CNTN5: variants seen among roughly 807,000 people sequenced by gnomAD.
The protein encoded by CNTN5 is contactin-5.
CNTN5 carries 77 observed loss-of-function variants against 129.1 expected under a neutral mutation model. The ratio of observed to expected loss-of-function variants is 0.60; its 90% CI spans 0.50 to 0.72. The LOEUF is 0.72. Ranked by LOEUF, CNTN5 falls within the 30% of genes least tolerant of loss-of-function variation. CNTN5 has a pLI of 0.00. For missense variants in CNTN5, 1,478 were observed against 1,328.8 expected (o/e 1.11, Z -1.75); for synonymous variants, 509 against 465.6 (o/e 1.09, Z -1.20).
At chr11:99,753,455 C>G (rs1007405079) in intron 3 of CNTN5, among the ~76,000 whole-genome samples, 1 of 151,500 alleles carries the variant, frequency 6.6e-6, no homozygotes, top group African/African-American at 2.4e-5. Flanking sequence ...ACCCTAAACA[C>G]TGCGAAAGGA....
At chr11:100,031,049 A>G (rs1565805102) in intron 9 of CNTN5, among the ~76,000 whole-genome samples, 1 of 152,200 alleles carries the variant, frequency 6.6e-6, no homozygotes, top group Non-Finnish European at 1.5e-5. Flanking sequence ...TCCACTGCAC[A>G]GTCTATAGGT....
At chr11:99,504,010 G>A (rs905975892) in intron 2 of CNTN5, among the ~76,000 whole-genome samples, 2 of 152,044 alleles carry the variant, frequency 1.3e-5, no homozygotes, top group Non-Finnish European at 2.9e-5. Context: ...TTATATTTGT[G>A]TGTTAATTGT....
At chr11:99,528,018 A>G (rs1209038342) in intron 2 of CNTN5, among the ~76,000 whole-genome samples, 1 of 152,210 alleles carries the variant, frequency 6.6e-6, no homozygotes, top group Non-Finnish European at 1.5e-5. Flanking sequence ...AATCTAATGC[A>G]TTCCTTGGTG....
At chr11:99,199,203 T>C (rs1859047457) in intron 1 of CNTN5, among the ~76,000 whole-genome samples, 1 of 152,008 alleles carries the variant, frequency 6.6e-6, no homozygotes. Flanking sequence ...TCTTCAAAAA[T>C]TTTTCAAGTC....
rs193105775 is a variant in CNTN5 at position 100,075,017 on chromosome 11, T to G, written c.1580+723T>G. Among the ~76,000 whole-genome samples the G allele has an allele frequency of 2.0e-5, 3 of 152,300 alleles. No homozygotes were observed. In the East Asian group the frequency reaches 5.8e-4, roughly 29 times the overall value. On this transcript the variant is annotated intron_variant, in intron 13 of 24. Coordinates refer to ENST00000524871, the MANE Select transcript of CNTN5 (RefSeq NM_014361.4). The stretch of plus-strand genomic sequence containing the variant: ...TTTGACAAAATAGTATCCTCTATTA[T>G]GTCAAAATAATATTGTACTGTATTA...
intron 6 of CNTN5, among the ~76,000 whole-genome samples, chr11:99,880,628 T>TA (rs954249432): frequency 3.9e-5 from 6 of 152,160 alleles, no homozygotes; most frequent in African/African-American, 7.2e-5. Context: ...TGAAGGTGTA[T>TA]AAAAAATCTG....
At chr11:99,528,331 AG>A (rs897397658) in intron 2 of CNTN5, among the ~76,000 whole-genome samples, 2 of 152,270 alleles carry the variant, frequency 1.3e-5, no homozygotes, top group African/African-American at 4.8e-5. Context: ...TACTAATGAC[AG>A]TCACATACAT....
At chr11:100,210,494 C>T (rs1187563997) in intron 15 of CNTN5, among the ~76,000 whole-genome samples, 1 of 151,812 alleles carries the variant, frequency 6.6e-6, no homozygotes, top group East Asian at 1.9e-4. Flanking sequence ...GAATGTGTAA[C>T]TCAAGTATTA....
intron 3 of CNTN5, among the ~76,000 whole-genome samples, chr11:99,596,843 A>T (rs1485356967): frequency 6.6e-6 from 1 of 152,166 alleles, no homozygotes; most frequent in Non-Finnish European, 1.5e-5. Flanking sequence ...ATAGACAATA[A>T]TAATCGCAAT....
At chr11:99,028,754 T>C (rs1003757174) in intron 1 of CNTN5, among the ~76,000 whole-genome samples, 2 of 151,936 alleles carry the variant, frequency 1.3e-5, no homozygotes, top group Non-Finnish European at 2.9e-5. Context: ...ATGCCATTTC[T>C]ATATGTTATA....
chr11:99,182,373 G>A (rs1432611781), intron 1 of CNTN5, among the ~76,000 whole-genome samples: 1 of 152,144 alleles, frequency 6.6e-6, no homozygotes, highest in Non-Finnish European at 1.5e-5. Flanking sequence ...TGCTCTGTAG[G>A]AATGCTTTGT....
At chr11:100,170,909 TTA>T (rs1184030772) in intron 13 of CNTN5, among the ~76,000 whole-genome samples, 1 of 152,022 alleles carries the variant, frequency 6.6e-6, no homozygotes. Context: ...AAAAAACTTT[TTA>T]TTTATGGGTA....
chr11:100,097,222 G>A (rs1945039767), intron 13 of CNTN5, among the ~76,000 whole-genome samples: 1 of 152,022 alleles, frequency 6.6e-6, no homozygotes, highest in Admixed American at 6.6e-5. Context: ...TATTCAAGAT[G>A]GAAGGAATAT....
At chr11:99,481,295 T>G (rs1451298495) in intron 2 of CNTN5, among the ~76,000 whole-genome samples, 1 of 152,188 alleles carries the variant, frequency 6.6e-6, no homozygotes, top group Non-Finnish European at 1.5e-5. Context: ...AATTAAAGCC[T>G]GACACCATTA....
At chr11:100,038,027 T>C (rs1425863470) in intron 9 of CNTN5, among the ~76,000 whole-genome samples, 2 of 152,040 alleles carry the variant, frequency 1.3e-5, no homozygotes, top group South Asian at 4.1e-4. Flanking sequence ...ATGTGTTTGC[T>C]CTTGCTTTTC....
intron 13 of CNTN5, among the ~76,000 whole-genome samples, chr11:100,131,030 G>A (rs1185526583): frequency 6.6e-6 from 1 of 152,018 alleles, no homozygotes; most frequent in African/African-American, 2.4e-5. Flanking sequence ...GCTACCTAAG[G>A]GGTCTCCCTG....
chr11:100,216,782 G>C (rs1397184311), intron 15 of CNTN5, among the ~76,000 whole-genome samples: 1 of 152,128 alleles, frequency 6.6e-6, no homozygotes, highest in East Asian at 1.9e-4. Flanking sequence ...ATAGTTTTAT[G>C]GTCATTACTA....
rs574960806 is a variant in CNTN5 at position 99,134,273 on chromosome 11, G to A, written c.-210+113003G>A. Among the ~76,000 whole-genome samples the A allele has an allele frequency of 4.6e-5, 7 of 152,190 alleles. No homozygotes were observed. In the East Asian group the frequency reaches 1.2e-3, roughly 25 times the overall value. ...GCTGAGGGAGGGCAAGGCAGGGAGG[G>A]CATTAGGGAAAAGAGCTAATGCATG... is the stretch of plus-strand genomic sequence containing the variant. On this transcript the variant is annotated intron_variant, in intron 1 of 24. Transcript: ENST00000524871.
intron 8 of CNTN5, among the ~76,000 whole-genome samples, chr11:99,960,140 TA>T (rs1224845680): frequency 6.6e-6 from 1 of 152,222 alleles, no homozygotes. Flanking sequence ...GCTTAAACAA[TA>T]ACTGTTTATT....
Sources: gnomAD v4.1 joint callset for allele counts (sites outside exome capture counted in the v4.1 genomes callset) on GRCh38, gnomAD v4.1.1 for gene constraint, MANE v1.5 for transcripts, NCBI Gene and HGNC (gene_info 2026-07-23, HGNC 2026-07-21) for gene names.